Variants in SORL1 observed in about 807,000 individuals in gnomAD.
The protein encoded by SORL1 is sortilin-related receptor.
Under a neutral mutation model 273.7 loss-of-function variants are expected in SORL1, and 127 were observed. The ratio of observed to expected loss-of-function variants is 0.46; its 90% CI spans 0.40 to 0.54. SORL1 has a LOEUF of 0.54. Among genes scored for constraint, SORL1 ranks in the 20% least tolerant of loss-of-function variants. SORL1 has a pLI of 0.00. For missense variants in SORL1, 2,494 were observed against 2,846.1 expected (o/e 0.88, Z 2.81); for synonymous variants, 1,031 against 1,067.4 (o/e 0.97, Z 0.66).
At chr11:121,502,432 G>T (rs957226447) in intron 6 of SORL1, among the ~76,000 whole-genome samples, 1 of 151,962 alleles carries the variant, frequency 6.6e-6, no homozygotes, top group African/African-American at 2.4e-5. Flanking sequence ...CACCATGCCC[G>T]GCCGACAATT....
In SORL1 at chr11:121,604,272, C is replaced by T. The variant is rs1292711829; in HGVS notation, c.4599C>T (p.Arg1533=). The change falls in exon 33 of 48, where the codon CGC becomes CGT. Residue 1533 remains arginine (R), a synonymous_variant. Transcript: ENST00000260197. ...AGGCCTGCATTGTGCTCTCGGAGCGCTGCGACGGCTTCCTGGACTGCTCGG... is the reference window on the plus strand; with the variant it reads ...AGGCCTGCATTGTGCTCTCGGAGCGTTGCGACGGCTTCCTGGACTGCTCGG... The part of the protein sequence containing the change: ...DGEACIVLSE[R]CDGFLDCSDE... 7 of 1,613,968 alleles carry T rather than the reference C, an allele frequency of 4.3e-6. No homozygotes were observed. The highest frequency in any genetic ancestry group is 4.5e-5 in the East Asian group (2 of 44,890).
intron 40 of SORL1, among the ~76,000 whole-genome samples, chr11:121,613,361 C>T (rs973736282): frequency 5.9e-5 from 9 of 152,174 alleles, no homozygotes; most frequent in Non-Finnish European, 8.8e-5. Flanking sequence ...TATCTAAGCA[C>T]GTGCTAAAGG....
intron 44 of SORL1, among the ~76,000 whole-genome samples, 196 bp from the exon 45 acceptor site, chr11:121,621,966 T>C (rs532627716): frequency 1.3e-5 from 2 of 152,224 alleles, no homozygotes; most frequent in South Asian, 2.1e-4. Flanking sequence ...AAAGATGTTA[T>C]AACAACAATA....
At chr11:121,582,138 C>T (rs1863023105) in intron 25 of SORL1, among the ~76,000 whole-genome samples, 1 of 152,160 alleles carries the variant, frequency 6.6e-6, no homozygotes, top group Non-Finnish European at 1.5e-5. Context: ...GATGGGAAGA[C>T]ATAGATAATG....
rs537754202 is a variant in SORL1, at chr11:121,619,757, G to A, written c.5729G>A (p.Arg1910His). The A allele has an allele frequency of 1.9e-5, 30 of 1,613,550 alleles. 1 individual carries two copies. Among genetic ancestry groups the A allele is most frequent in the South Asian group, 1.6e-4 (15 of 91,046 alleles). ...ACGTGTGTGCTTGGGCTTCAGGTCC[G>A]TGTAGTGGTACCCTACCAGGGGCCA... is the stretch of plus-strand genomic sequence containing the variant. ...SKDEQYLFLVRVVVPYQGPSS... is the reference protein window; with the variant it reads ...SKDEQYLFLVHVVVPYQGPSS... The change falls in exon 43 of 48, where the codon CGT (arginine) becomes CAT (histidine). Residue 1910 changes from arginine (R) to histidine (H), a missense_variant. By Grantham distance (29) the Arg-to-His change is conservative. This residue lies in a region of SORL1 where 1,609 missense variants were observed against 1,816.4 expected (regional missense o/e 0.89). Transcript: ENST00000260197.
intron 3 of SORL1, among the ~76,000 whole-genome samples, chr11:121,478,981 T>C (rs771146543): frequency 6.6e-5 from 10 of 151,102 alleles, no homozygotes; most frequent in Admixed American, 1.3e-4. Context: ...TGTGTGCACG[T>C]GGGTACCCAC....
At chr11:121,500,289 A>G (rs1591301800) in intron 6 of SORL1, among the ~76,000 whole-genome samples, 1 of 152,302 alleles carries the variant, frequency 6.6e-6, no homozygotes. Context: ...TCACTACCAG[A>G]TTAAGATTAT....
At chr11:121,532,043 T>C (rs1489370233) in intron 11 of SORL1, among the ~76,000 whole-genome samples, 1 of 152,228 alleles carries the variant, frequency 6.6e-6, no homozygotes, top group Non-Finnish European at 1.5e-5. Flanking sequence ...GGTAGTTGTT[T>C]TTTGTCCAGA....
rs761065310 is a variant in SORL1 at position 121,585,498 on chromosome 11, T to TACACACAC, written c.3707-723_3707-722insCACACACA. ...ACTCTGCCTTAAAAAAAAAAATGTA[T>TACACACAC]ATACACACACACACACACACACACA... On this transcript the variant is annotated intron_variant, in intron 26 of 47. Transcript: ENST00000260197. Among the ~76,000 whole-genome samples, 1,141 of 106,624 alleles carry TACACACAC rather than the reference T, an allele frequency of 0.011. 33 individuals are homozygous for TACACACAC. The East Asian group carries it at 0.17, about 16-fold the overall frequency. 69.9% of individuals were successfully genotyped at this position (106,624 alleles called of 152,430 possible). A position where few individuals can be genotyped will look rare whatever the true frequency, so the allele number is the denominator to read the frequency against.
intron 45 of SORL1, 47 bp from the exon 46 acceptor site, chr11:121,625,038 A>G: frequency 7.3e-7 from 1 of 1,372,374 alleles, no homozygotes. Flanking sequence ...AGAGGCTGTC[A>G]GTTTCCATAT....
chr11:121,523,078 AATGGTCC>A, intron 11 of SORL1, 89 bp downstream of exon 11: 1 of 896,554 alleles, frequency 1.1e-6, no homozygotes, highest in Non-Finnish European at 1.9e-6. Context: ...CAGGGACACA[AATGGTCC>A]ATGGCAGAGA....
Position 121,460,322 on chromosome 11 carries a change from A to G in SORL1, c.285+7706A>G, listed in dbSNP as rs192110221. On this transcript the variant is annotated intron_variant, in intron 1 of 47. Coordinates refer to ENST00000260197, the MANE Select transcript of SORL1 (RefSeq NM_003105.6). Reference sequence around the variant, plus strand: ...GTGGGCCCTCAGTTGGGATTTTAATATTTTAGGGATACTGAGATGATTTCC... The same window carrying G: ...GTGGGCCCTCAGTTGGGATTTTAATGTTTTAGGGATACTGAGATGATTTCC... Among the ~76,000 whole-genome samples the G allele has an allele frequency of 5.3e-5, 8 of 150,512 alleles. No individual in the cohort carries two copies. In the East Asian group the frequency reaches 1.6e-3, roughly 29 times the overall value.
chr11:121,597,776 C>A (rs1863321239), intron 32 of SORL1, among the ~76,000 whole-genome samples: 1 of 152,120 alleles, frequency 6.6e-6, no homozygotes, highest in South Asian at 2.1e-4. Context: ...AATACAGATT[C>A]TAGTGGGAGG....
intron 40 of SORL1, 125 bp from the exon 41 acceptor site, chr11:121,614,746 C>T: frequency 1.4e-6 from 1 of 731,568 alleles, no homozygotes; most frequent in Non-Finnish European, 2.4e-6. Flanking sequence ...GACAGTCCTA[C>T]AGCACATGGG....
At chr11:121,569,181 A>G (rs1591331295) in intron 22 of SORL1, among the ~76,000 whole-genome samples, 2 of 152,164 alleles carry the variant, frequency 1.3e-5, no homozygotes, top group African/African-American at 2.4e-5. Flanking sequence ...CTTTACTTTA[A>G]TCTCTTAATC....
intron 27 of SORL1, among the ~76,000 whole-genome samples, chr11:121,586,962 A>G (rs1282639130): frequency 6.6e-6 from 1 of 152,188 alleles, no homozygotes; most frequent in Non-Finnish European, 1.5e-5. Flanking sequence ...TAATGTTATC[A>G]GTGCAGGGAG....
At chr11:121,527,785 T>G (rs1429234633) in intron 11 of SORL1, among the ~76,000 whole-genome samples, 1 of 152,150 alleles carries the variant, frequency 6.6e-6, no homozygotes, top group Non-Finnish European at 1.5e-5. Context: ...TATATTCTCT[T>G]TATCTTTTTA....
intron 38 of SORL1, chr11:121,609,356 C>T (rs1473807221): frequency 6.6e-6 from 1 of 152,212 alleles, no homozygotes. Flanking sequence ...TTAGAGAAAG[C>T]CTGCTGAATT....
chr11:121,532,351 G>T (rs997653875), intron 11 of SORL1, 113 bp from the exon 12 acceptor site: 12 of 856,690 alleles, frequency 1.4e-5, no homozygotes, highest in East Asian at 2.6e-5. Flanking sequence ...TCAAGTGGTT[G>T]TCATTGCTGT....
Sources: allele counts gnomAD v4.1 joint callset (sites outside exome capture counted in the v4.1 genomes callset), GRCh38; gene constraint gnomAD v4.1.1; regional missense constraint gnomAD v4.1.1; transcripts MANE v1.5; gene names NCBI Gene and HGNC (gene_info 2026-07-23, HGNC 2026-07-21).